Variants in FGF13 observed in about 807,000 individuals in gnomAD.
FGF13 encodes the protein fibroblast growth factor homologous factor 2.
A neutral mutation model predicts 19.5 loss-of-function variants in FGF13; 2 were observed. The ratio of observed to expected loss-of-function variants is 0.10; its 90% CI spans 0.04 to 0.32. The LOEUF (loss-of-function observed/expected upper bound fraction) is 0.32. FGF13 is among the 10% of genes least tolerant of loss of function. FGF13 has a pLI of 1.00. For missense variants in FGF13, 113 were observed against 192.7 expected (o/e 0.59, Z 2.45); for synonymous variants, 72 against 76.9 (o/e 0.94, Z 0.33).
At chrX:138,874,088 GTACATGTA>G (rs1393696693) in intron 1 of FGF13, among the ~76,000 whole-genome samples, 1 of 104,107 alleles carries the variant, frequency 9.6e-6, no homozygotes, top group African/African-American at 3.5e-5. Context: ...CACCAACATG[GTACATGTA>G]TACATATGTA....
rs143622293 is a variant in FGF13 at position 139,144,656 on chromosome X, A to G, written c.-113+58760T>C. On this transcript the variant is annotated intron_variant, in intron 1 of 2. Transcript: ENST00000421460. ...CTGAAAAGATCTTCAACAGGTCCCC[A>G]TTAGTTAAGGAAAGAAATTCCACAA... Among the ~76,000 whole-genome samples the G allele has an allele frequency of 8.8e-4, 98 of 111,495 alleles. 2 individuals are homozygous for G. In the East Asian group the frequency reaches 0.017, roughly 19 times the overall value.
chrX:139,012,314 C>T (rs188177934), intron 1 of FGF13, among the ~76,000 whole-genome samples: 16 of 110,990 alleles, frequency 1.4e-4, no homozygotes, highest in Admixed American at 6.7e-4. Context: ...AAAATATCAC[C>T]GTCATTCTTC....
At chrX:138,746,363 G>A (rs2090356019) in intron 3 of FGF13, among the ~76,000 whole-genome samples, 1 of 110,810 alleles carries the variant, frequency 9.0e-6, no homozygotes, top group African/African-American at 3.3e-5. Context: ...ACCTCGTTGT[G>A]AGGATGAAGA....
rs1304044411 is a variant in FGF13, at chrX:138,621,518, T to C, written c.*11332A>G. The C allele has an allele frequency of 9.2e-6, 1 of 108,920 alleles. No individual in the cohort carries two copies. Among genetic ancestry groups the C allele is most frequent in the African/African-American group, 3.3e-5 (1 of 29,943 alleles). The allele number at this position is 108,920 out of a possible 1,213,427, so 9.0% of individuals were successfully genotyped here. On this transcript the variant is annotated 3_prime_UTR_variant, in exon 5 of 5. Transcript: ENST00000315930. ...CTACATTAAGAAAAAAAAAATCAAA[T>C]AAACGACCTAACTTTACACCTCAAG...
At chrX:139,014,029 A>C (rs1156266949) in intron 1 of FGF13, among the ~76,000 whole-genome samples, 2 of 111,686 alleles carry the variant, frequency 1.8e-5, no homozygotes, top group East Asian at 5.6e-4. Context: ...TGAAAAAATT[A>C]AGAAAAAATT....
Position 138,614,860 on chromosome X carries a change from T to C in FGF13, c.*17990A>G, listed in dbSNP as rs904165939. 4 of 112,122 alleles carry C rather than the reference T, an allele frequency of 3.6e-5. No individual in the cohort carries two copies. Among genetic ancestry groups the C allele is most frequent in the African/African-American group, 1.3e-4 (4 of 30,861 alleles). The allele number at this position is 112,122 out of a possible 1,213,427, so 9.2% of individuals were successfully genotyped here. A position where few individuals can be genotyped will look rare whatever the true frequency, so the allele number is the denominator to read the frequency against. On this transcript the variant is annotated 3_prime_UTR_variant, in exon 5 of 5. Coordinates refer to ENST00000315930, the MANE Select transcript of FGF13 (RefSeq NM_004114.5). ...GAATACTACACAGAAATTAAACATA[T>C]TGCATTACTGATATACACAACAGTT...
chrX:139,064,281 C>CTTTTTTTTT lies in FGF13; in HGVS notation c.-113+139126_-113+139134dup, dbSNP rs139084376. Among the ~76,000 whole-genome samples, 208 of 23,207 alleles carry CTTTTTTTTT rather than the reference C, an allele frequency of 9.0e-3. 19 individuals carry two copies. Among genetic ancestry groups the CTTTTTTTTT allele is most frequent in the East Asian group, 0.013 (10 of 742 alleles). 20.2% of individuals were successfully genotyped at this position (23,207 alleles called of 115,157 possible). ...GCATAGAGCAGAGTTCTTTTTTTTTCTTTTTTTTTTTTTTTTTTTTTTTTT... is the reference window on the plus strand; with the variant it reads ...GCATAGAGCAGAGTTCTTTTTTTTTCTTTTTTTTTTTTTTTTTTTTTTTTTTTTTTTTTT... On this transcript the variant is annotated intron_variant, in intron 1 of 2. Coordinates refer to the FGF13 transcript ENST00000421460.
chrX:138,787,592 G>T (rs1350008346), intron 3 of FGF13, among the ~76,000 whole-genome samples: 6 of 111,626 alleles, frequency 5.4e-5, no homozygotes, highest in Non-Finnish European at 1.1e-4. Context: ...TACAGAATGT[G>T]CAGGTTTGTT....
intron 1 of FGF13, among the ~76,000 whole-genome samples, chrX:139,174,730 C>G (rs910861457): frequency 9.0e-6 from 1 of 111,512 alleles, no homozygotes; most frequent in African/African-American, 3.3e-5. Context: ...ATTTCTGAGG[C>G]CTCTGTTCTG....
intron 3 of FGF13, among the ~76,000 whole-genome samples, chrX:138,750,030 T>C (rs2090386293): frequency 9.0e-6 from 1 of 111,387 alleles, no homozygotes; most frequent in Non-Finnish European, 1.9e-5. Flanking sequence ...GTTGATAGCC[T>C]CAATTAAGGC....
At chrX:138,911,966 G>A (rs952171342) in intron 1 of FGF13, among the ~76,000 whole-genome samples, 3 of 111,947 alleles carry the variant, frequency 2.7e-5, no homozygotes, top group African/African-American at 9.8e-5. Flanking sequence ...AAGTAAAAGG[G>A]AGTAACACCC....
chrX:138,741,295 C>T (rs190829753), upstream of FGF13, among the ~76,000 whole-genome samples: 5 of 111,796 alleles, frequency 4.5e-5, no homozygotes, highest in African/African-American at 1.6e-4. Context: ...CTTATAATGG[C>T]CCTGCAGGGG....
intron 1 of FGF13, among the ~76,000 whole-genome samples, chrX:138,972,449 C>T (rs1192506416): frequency 2.6e-4 from 28 of 107,065 alleles, no homozygotes; most frequent in Admixed American, 1.1e-3. Context: ...CTCTGCCTCC[C>T]GGGTTCACGC....
At chrX:138,760,909 C>CA (rs1350453451) in intron 3 of FGF13, among the ~76,000 whole-genome samples, 3 of 111,495 alleles carry the variant, frequency 2.7e-5, no homozygotes, top group Non-Finnish European at 5.7e-5. Context: ...TGAAAACAAA[C>CA]AAAAAAACAA....
chrX:138,863,209 T>C (rs745711665), intron 2 of FGF13, among the ~76,000 whole-genome samples: 10 of 110,903 alleles, frequency 9.0e-5, no homozygotes, highest in Non-Finnish European at 1.5e-4. Flanking sequence ...TTCTCTCTTG[T>C]CTGGCTTTCC....
At chrX:138,742,250 T>C (rs915404381), upstream of FGF13, among the ~76,000 whole-genome samples, 1 of 112,200 alleles carries the variant, frequency 8.9e-6, no homozygotes. Flanking sequence ...CACCTGTGAA[T>C]AGATGAAATC....
chrX:138,705,296 G>A (rs755652735), intron 2 of FGF13, among the ~76,000 whole-genome samples: 4 of 110,883 alleles, frequency 3.6e-5, no homozygotes, highest in Non-Finnish European at 5.7e-5. Context: ...GCACAAGAAA[G>A]AAACAGAGAG....
intron 1 of FGF13, among the ~76,000 whole-genome samples, chrX:139,169,148 T>C (rs1453068836): frequency 8.9e-6 from 1 of 112,138 alleles, no homozygotes; most frequent in East Asian, 2.8e-4. Flanking sequence ...TCCAAGAGAT[T>C]AGGGAAGTTG....
At chrX:139,103,586 T>C (rs976523180) in intron 1 of FGF13, among the ~76,000 whole-genome samples, 2 of 112,095 alleles carry the variant, frequency 1.8e-5, no homozygotes, top group African/African-American at 6.5e-5. Context: ...TTTTTTGACA[T>C]GTTAATGTTC....
Sources: gnomAD v4.1 joint callset for allele counts (sites outside exome capture counted in the v4.1 genomes callset) on GRCh38, gnomAD v4.1.1 for gene constraint, MANE v1.5 for transcripts, NCBI Gene and HGNC (gene_info 2026-07-23, HGNC 2026-07-21) for gene names.